MSI2: variants seen among roughly 807,000 people sequenced by gnomAD.
MSI2 encodes the protein musashi RNA binding protein 2, also known as RNA-binding protein Musashi homolog 2.
Under a neutral mutation model 45.6 loss-of-function variants are expected in MSI2, and 17 were observed. That is an observed-to-expected ratio of 0.37 (90% CI 0.26 to 0.56). The LOEUF (loss-of-function observed/expected upper bound fraction) is 0.56. Among genes scored for constraint, MSI2 ranks in the 20% least tolerant of loss-of-function variants. The pLI is 0.77. For synonymous variants in MSI2, 156 were observed against 158.2 expected, an observed-to-expected ratio of 0.99 and a Z score of 0.11; for missense variants, 293 against 444.2, an observed-to-expected ratio of 0.66 and a Z score of 3.06.
At chr17:57,697,875 AAT>A in the MSI2 span, among the ~76,000 whole-genome samples, 1 of 152,138 alleles carries the variant, frequency 6.6e-6, no homozygotes, top group Non-Finnish European at 1.5e-5. Context: ...GCTACAATTC[AAT>A]ATGAGATTTG....
intron 7 of MSI2, among the ~76,000 whole-genome samples, chr17:57,576,945 C>T (rs976482294): frequency 3.3e-5 from 5 of 151,980 alleles, no homozygotes; most frequent in South Asian, 2.1e-4. Flanking sequence ...AAGTCCAGTC[C>T]GGTATTTGGT....
intron 6 of MSI2, among the ~76,000 whole-genome samples, chr17:57,508,755 G>C (rs971256204): frequency 6.6e-6 from 1 of 152,186 alleles, no homozygotes; most frequent in Non-Finnish European, 1.5e-5. Context: ...GCCAAGGGGA[G>C]ATAGGAACTG....
At chr17:57,500,746 G>A (rs1334149148) in intron 6 of MSI2, among the ~76,000 whole-genome samples, 1 of 149,820 alleles carries the variant, frequency 6.7e-6, no homozygotes, top group African/African-American at 2.5e-5. Context: ...GCTGAGCCAG[G>A]CAAATTGCTT....
At chr17:57,468,824 C>T (rs555679275) in intron 6 of MSI2, among the ~76,000 whole-genome samples, 89 of 152,172 alleles carry the variant, frequency 5.8e-4, no homozygotes, top group Non-Finnish European at 1.1e-3. Flanking sequence ...GGATGGCGAG[C>T]GCTGGGGAGA....
chr17:57,629,129 T>C (rs1909106740), intron 10 of MSI2: 1 of 152,214 alleles, frequency 6.6e-6, no homozygotes. Context: ...TACTAAAACT[T>C]AGGTTTAAAT....
At chr17:57,562,050 T>C (rs376634944) in intron 7 of MSI2, among the ~76,000 whole-genome samples, 11 of 152,236 alleles carry the variant, frequency 7.2e-5, no homozygotes, top group South Asian at 6.2e-4. Context: ...TCAGATGTGA[T>C]TGCTATAGAT....
chr17:57,609,069 T>C (rs549279369), intron 8 of MSI2, among the ~76,000 whole-genome samples: 2 of 152,280 alleles, frequency 1.3e-5, no homozygotes, highest in East Asian at 3.9e-4. Context: ...GCTGTCAGGC[T>C]CTAGGCAAGA....
intron 5 of MSI2, among the ~76,000 whole-genome samples, chr17:57,367,901 C>T (rs1003126727): frequency 3.3e-5 from 5 of 151,998 alleles, no homozygotes; most frequent in African/African-American, 7.3e-5. Flanking sequence ...CGGAGGGTGC[C>T]GCAAGTTCTC....
At chr17:57,502,042 A>G (rs1217480195) in intron 6 of MSI2, among the ~76,000 whole-genome samples, 1 of 151,890 alleles carries the variant, frequency 6.6e-6, no homozygotes, top group Non-Finnish European at 1.5e-5. Context: ...CTCATCCTCC[A>G]CTCCTGGGCT....
intron 7 of MSI2, among the ~76,000 whole-genome samples, chr17:57,590,194 T>G (rs1415664108): frequency 6.6e-6 from 1 of 152,218 alleles, no homozygotes; most frequent in African/African-American, 2.4e-5. Context: ...TGATTTTCAC[T>G]GAAGATGCAT....
chr17:57,332,521 A>G (rs1914356137), intron 5 of MSI2, among the ~76,000 whole-genome samples: 1 of 152,198 alleles, frequency 6.6e-6, no homozygotes, highest in Non-Finnish European at 1.5e-5. Context: ...GATTTTCTGT[A>G]ATTGTAATTT....
At chr17:57,401,214 T>C (rs1331913618) in intron 5 of MSI2, among the ~76,000 whole-genome samples, 165 bp from the exon 6 acceptor site, 2 of 152,178 alleles carry the variant, frequency 1.3e-5, no homozygotes, top group African/African-American at 4.8e-5. Flanking sequence ...GCAGAGTGAC[T>C]GTCTCTAGCA....
downstream of MSI2, among the ~76,000 whole-genome samples, chr17:57,688,634 T>A (rs571880322): frequency 3.3e-5 from 5 of 152,300 alleles, 1 homozygote; most frequent in South Asian, 1.0e-3. Flanking sequence ...TATGTATGTG[T>A]GTGTATAAAT....
In MSI2 at chr17:57,670,320, G is replaced by A. The variant is rs73994137; in HGVS notation, c.791-4652G>A. ...CATGCCTAATTCCACTCTCAGCCCA[G>A]CCCCTTGTCACTGCAGTTGGGCAGA... is the stretch of plus-strand genomic sequence containing the variant. On this transcript the variant is annotated intron_variant, in intron 11 of 13. Coordinates refer to ENST00000284073, the MANE Select transcript of MSI2 (RefSeq NM_138962.4). 1.8e-3 allele frequency among the ~76,000 whole-genome samples: 279 copies of A among 152,304 alleles called. 1 individual carries two copies. Among genetic ancestry groups the A allele is most frequent in the African/African-American group, 6.4e-3 (265 of 41,560 alleles).
intron 5 of MSI2, among the ~76,000 whole-genome samples, chr17:57,328,733 CTT>C (rs1294186819): frequency 1.5e-4 from 21 of 140,924 alleles, no homozygotes; most frequent in Non-Finnish European, 1.7e-4. Flanking sequence ...TTTGAAGAGT[CTT>C]TTTTTTTTTT....
intron 6 of MSI2, among the ~76,000 whole-genome samples, chr17:57,444,101 C>T (rs532980406): frequency 6.6e-6 from 1 of 152,232 alleles, no homozygotes; most frequent in Admixed American, 6.5e-5. Context: ...ACCCCAAACC[C>T]TTTTTTAGAA....
At chr17:57,465,951 G>A (rs957697330) in intron 6 of MSI2, among the ~76,000 whole-genome samples, 3 of 152,152 alleles carry the variant, frequency 2.0e-5, no homozygotes, top group African/African-American at 7.2e-5. Context: ...GGAATCATAA[G>A]GTTGATTTGA....
intron 5 of MSI2, among the ~76,000 whole-genome samples, chr17:57,321,255 C>T (rs1046170239): frequency 7.9e-5 from 12 of 151,826 alleles, no homozygotes; most frequent in African/African-American, 2.9e-4. Context: ...GTCTCCCGCC[C>T]GCGGCTTCCA....
chr17:57,501,740 C>G (rs1252590107), intron 6 of MSI2, among the ~76,000 whole-genome samples: 3 of 152,180 alleles, frequency 2.0e-5, no homozygotes, highest in African/African-American at 7.2e-5. Context: ...TAGAATAGCC[C>G]CTGCTCCTGG....
Sources: gnomAD v4.1 joint callset for allele counts (sites outside exome capture counted in the v4.1 genomes callset) on GRCh38, gnomAD v4.1.1 for gene constraint, MANE v1.5 for transcripts, NCBI Gene and HGNC (gene_info 2026-07-23, HGNC 2026-07-21) for gene names.